Variants in ABCC6 observed in about 807,000 individuals in gnomAD.
ABCC6 encodes the protein ATP-binding cassette sub-family C member 6.
Under a neutral mutation model 169.5 loss-of-function variants are expected in ABCC6, and 126 were observed. The ratio of observed to expected loss-of-function variants is 0.74; its 90% CI spans 0.64 to 0.86. ABCC6 has a LOEUF of 0.86. Among genes scored for constraint, ABCC6 ranks in the 40% least tolerant of loss-of-function variants. The probability of loss-of-function intolerance (pLI) is 0.00; values close to 1 mark genes in which losing one functional copy is unlikely to be tolerated. For missense variants in ABCC6, 1,733 were observed against 1,927.2 expected (o/e 0.90, Z 1.89); for synonymous variants, 752 against 814.7 (o/e 0.92, Z 1.31).
chr16:16,154,871 A>C lies in ABCC6; in HGVS notation c.4041+2T>G. 1 of 1,612,528 alleles carries C rather than the reference A, an allele frequency of 6.2e-7. No individual in the cohort carries two copies. The highest frequency in any genetic ancestry group is 8.5e-7 in the Non-Finnish European group (1 of 1,179,408). ...TTTGCCCACCCCCTCCACCAGCCTC[A>C]CCTGGGGGATGATGCTGATCCTGGA... On this transcript the variant is annotated splice_donor_variant, in intron 28 of 30. Transcript: ENST00000205557. LOFTEE classifies it high-confidence loss of function.
intron 8 of ABCC6, among the ~76,000 whole-genome samples, chr16:16,202,927 G>C (rs1159272233): frequency 6.6e-6 from 1 of 152,080 alleles, no homozygotes; most frequent in East Asian, 1.9e-4. Context: ...TGTGGTTTTT[G>C]GTCTATTTCT....
intron 10 of ABCC6, among the ~76,000 whole-genome samples, chr16:16,193,993 G>A (rs562072857): frequency 1.2e-4 from 19 of 152,308 alleles, no homozygotes; most frequent in African/African-American, 4.6e-4. Context: ...GAGGGAAACA[G>A]CCCTCTTACA....
intron 16 of ABCC6, 49 bp from the exon 17 acceptor site, chr16:16,182,637 G>A (rs1018944393): frequency 2.5e-6 from 4 of 1,603,090 alleles, no homozygotes; most frequent in Non-Finnish European, 3.4e-6. Context: ...GGACAGAGGT[G>A]GGATAGGTTT....
chr16:16,173,393 G>C lies in ABCC6; in HGVS notation c.2678C>G (p.Ser893Ter), dbSNP rs1481200467. ...AGTGGTACGGTCCTTCTCAGGGACT[G>C]ACTTGATGGACCTGTCATTTAGAGG... Reference protein sequence around the residue: ...PELRRERSIKSVPEKDRTTSE... With the variant: ...PELRRERSIK The change falls in exon 21 of 31, where the codon TCA becomes TGA. Residue 893 changes from serine to a stop codon, truncating the protein, a stop_gained. Coordinates refer to ENST00000205557, the MANE Select transcript of ABCC6 (RefSeq NM_001171.6). LOFTEE classifies it high-confidence loss of function. 4.3e-6 allele frequency: 7 copies of C among 1,613,974 alleles called. No individual in the cohort carries two copies. The highest frequency in any genetic ancestry group is 1.7e-5 in the Admixed American group (1 of 59,998).
At position 16,169,732 on chromosome 16, in the gene ABCC6, A is replaced by G; in HGVS notation, c.2909T>C (p.Leu970Pro). The change falls in exon 22 of 31, where the codon CTG (leucine) becomes CCG (proline). Residue 970 changes from leucine to proline, a missense_variant. By Grantham distance (98) the Leu-to-Pro change is moderately conservative. This residue lies in a region of ABCC6 where 1,601 missense variants were observed against 1,635.5 expected (regional missense o/e 0.98). Coordinates refer to ENST00000205557, the MANE Select transcript of ABCC6 (RefSeq NM_001171.6). ...ASFCRGYWLS[L>P]WADDPAVGGQ... ...ACCTACTGCAGGGTCGTCCGCCCAC[A>G]GGCTCAGCCAGTAGCCCCGGCAGAA... 6.2e-7 allele frequency: 1 copy of G among 1,609,074 alleles called. No homozygotes were observed. The highest frequency in any genetic ancestry group is 1.3e-5 in the African/African-American group (1 of 74,960).
intron 17 of ABCC6, among the ~76,000 whole-genome samples, chr16:16,179,538 G>C (rs1290477828): frequency 6.6e-6 from 1 of 151,936 alleles, no homozygotes; most frequent in Non-Finnish European, 1.5e-5. Context: ...GTTTCAGGAC[G>C]ATTCAAGCAC....
intron 17 of ABCC6, among the ~76,000 whole-genome samples, chr16:16,180,500 T>C (rs898304191): frequency 2.0e-5 from 3 of 152,180 alleles, no homozygotes; most frequent in African/African-American, 7.2e-5. Flanking sequence ...AACTTATTTT[T>C]ATTTATTTTT....
intron 9 of ABCC6, 105 bp from the exon 10 acceptor site, chr16:16,198,287 G>A (rs2048123743): frequency 2.3e-6 from 3 of 1,296,046 alleles, no homozygotes; most frequent in Non-Finnish European, 3.2e-6. Context: ...CGTCTGCGAG[G>A]TGGGTGAGTA....
chr16:16,194,256 C>G (rs1016579826), intron 10 of ABCC6, among the ~76,000 whole-genome samples: 2 of 152,244 alleles, frequency 1.3e-5, no homozygotes, highest in Non-Finnish European at 2.9e-5. Flanking sequence ...TTTTCCTAAT[C>G]TTCATTTCAT....
chr16:16,180,678 A>G (rs1248425807), intron 17 of ABCC6, among the ~76,000 whole-genome samples: 2 of 151,980 alleles, frequency 1.3e-5, no homozygotes, highest in Non-Finnish European at 2.9e-5. Flanking sequence ...TTTAGTAGAG[A>G]TGGGGCTTCA....
At chr16:16,175,222 G>T (rs1205793854) in intron 20 of ABCC6, among the ~76,000 whole-genome samples, 1 of 152,212 alleles carries the variant, frequency 6.6e-6, no homozygotes, top group Non-Finnish European at 1.5e-5. Context: ...TGGGATGGGG[G>T]TCAGCCCCAA....
chr16:16,189,918 G>C (rs541090010), intron 12 of ABCC6, among the ~76,000 whole-genome samples: 1 of 152,086 alleles, frequency 6.6e-6, no homozygotes, highest in African/African-American at 2.4e-5. Flanking sequence ...TCCCCACATC[G>C]GTAGAAGCCT....
intron 5 of ABCC6, among the ~76,000 whole-genome samples, chr16:16,212,518 C>A (rs533396529): frequency 0.035 from 5,252 of 150,680 alleles, 112 homozygotes; most frequent in African/African-American, 0.045. Context: ...CCATGTTGGC[C>A]AGGCTGGTCT....
chr16:16,186,289 A>C (rs1312133919), intron 14 of ABCC6, among the ~76,000 whole-genome samples: 1 of 152,094 alleles, frequency 6.6e-6, no homozygotes, highest in African/African-American at 2.4e-5. Flanking sequence ...GCTTGATCAA[A>C]ATGCTGTCAT....
In ABCC6 at chr16:16,198,073, C is replaced by A; in HGVS notation, c.1286G>T (p.Gly429Val). 1 of 1,614,118 alleles carries A rather than the reference C, an allele frequency of 6.2e-7. No homozygotes were observed. The highest frequency in any genetic ancestry group is 8.5e-7 in the Non-Finnish European group (1 of 1,180,016). Reference sequence around the variant, plus strand: ...GATCCAGACGAGAGGCAGCCACAGCCCGTTGAGGTAGAGGACGCTCTCGGT... The same window carrying A: ...GATCCAGACGAGAGGCAGCCACAGCACGTTGAGGTAGAGGACGCTCTCGGT... The part of the protein sequence containing the change: ...RLTESVLYLN[G>V]LWLPLVWIVV... The change falls in exon 10 of 31, where the codon GGG (glycine) becomes GTG (valine). Residue 429 changes from glycine to valine, a missense_variant. Gly to Val is a moderately radical substitution (Grantham distance 109). Around this residue, in one of 5 missense-constraint regions of ABCC6, gnomAD observed 1,601 missense variants for 1,635.5 expected, o/e 0.98. Coordinates refer to ENST00000205557, the MANE Select transcript of ABCC6 (RefSeq NM_001171.6).
chr16:16,208,743 C>T lies in ABCC6; in HGVS notation c.779G>A (p.Arg260His), dbSNP rs755700774. 40 of 1,613,516 alleles carry T rather than the reference C, an allele frequency of 2.5e-5. No individual in the cohort carries two copies. The highest frequency in any genetic ancestry group is 1.0e-4 in the Admixed American group (6 of 59,974). ...ACCCACTTACCTCCGGGCTGCACTG[C>T]GGTTCCTCATCCACTCCTTTTCAAG... ...SRLEKEWMRN[R>H]SAARRHNKAI... Residue 260 changes from arginine (R) to histidine (H), a missense_variant, in exon 7 of 31, where the codon CGC becomes CAC. Physicochemically the swap from Arg to His is conservative, Grantham distance 29. Around this residue, in one of 5 missense-constraint regions of ABCC6, gnomAD observed 1,601 missense variants for 1,635.5 expected, o/e 0.98. Transcript: ENST00000205557.
intron 20 of ABCC6, among the ~76,000 whole-genome samples, chr16:16,175,525 C>T (rs1233039363): frequency 6.6e-6 from 1 of 152,162 alleles, no homozygotes; most frequent in Non-Finnish European, 1.5e-5. Context: ...CATACAGACC[C>T]AAGCCCTGTG....
chr16:16,162,785 C>A (rs2046759179), intron 24 of ABCC6, among the ~76,000 whole-genome samples: 1 of 152,078 alleles, frequency 6.6e-6, no homozygotes, highest in Non-Finnish European at 1.5e-5. Flanking sequence ...GAAGCTTCTT[C>A]CTGTACCCCC....
chr16:16,169,748 C>G lies in ABCC6; in HGVS notation c.2893G>C (p.Gly965Arg). The change falls in exon 22 of 31, where the codon GGC (glycine) becomes CGC (arginine). Residue 965 changes from glycine to arginine, a missense_variant. Transcript: ENST00000205557. ...TCCGCCCACAGGCTCAGCCAGTAGC[C>G]CCGGCAGAAGGAGGCCACTTGCTGG... ...LCQQVASFCRGYWLSLWADDP... is the reference protein window; with the variant it reads ...LCQQVASFCRRYWLSLWADDP... 1 of 1,606,128 alleles carries G rather than the reference C, an allele frequency of 6.2e-7. No individual in the cohort carries two copies. Among genetic ancestry groups the G allele is most frequent in the Non-Finnish European group, 8.5e-7 (1 of 1,176,856 alleles).
Sources: allele counts gnomAD v4.1 joint callset (sites outside exome capture counted in the v4.1 genomes callset), GRCh38; gene constraint gnomAD v4.1.1; regional missense constraint gnomAD v4.1.1; transcripts MANE v1.5; gene names NCBI Gene and HGNC (gene_info 2026-07-23, HGNC 2026-07-21).